Variants in LRRN2 observed in about 807,000 individuals in gnomAD.
LRRN2 encodes the protein leucine-rich repeat neuronal protein 2.
Under a neutral mutation model 35.7 loss-of-function variants are expected in LRRN2, and 10 were observed. That is an observed-to-expected ratio of 0.28 (90% CI 0.17 to 0.47). The LOEUF is 0.47. LRRN2 is among the 20% of genes least tolerant of loss of function. The pLI is 0.99. For missense variants in LRRN2, 731 were observed against 940.3 expected, an observed-to-expected ratio of 0.78 and a Z score of 2.91; for synonymous variants, 391 against 409.6, an observed-to-expected ratio of 0.95 and a Z score of 0.55.
chr1:204,657,516 C>T (rs757301513), intron 1 of LRRN2, among the ~76,000 whole-genome samples: 7 of 152,032 alleles, frequency 4.6e-5, no homozygotes, highest in Non-Finnish European at 7.3e-5. Flanking sequence ...TTCTATGACA[C>T]GTCCAGAATA....
intron 1 of LRRN2, among the ~76,000 whole-genome samples, chr1:204,676,133 T>C (rs1349822428): frequency 1.5e-5 from 2 of 133,154 alleles, no homozygotes; most frequent in Non-Finnish European, 3.2e-5. Flanking sequence ...CAAGGTTACA[T>C]GGAGCCGTGT....
rs113787998 is a variant in LRRN2, at chr1:204,648,004, T to C, written c.-226-27786A>G. On this transcript the variant is annotated intron_variant, in intron 1 of 1. Transcript: ENST00000367177. The stretch of plus-strand genomic sequence containing the variant: ...TAATGCAGCTTGCATTATATTTCTA[T>C]TGAACATACATTTCTATATTCTGAC... 1.2e-3 allele frequency among the ~76,000 whole-genome samples: 190 copies of C among 152,376 alleles called. 2 individuals are homozygous for C. The highest frequency in any genetic ancestry group is 4.5e-3 in the African/African-American group (189 of 41,580).
At chr1:204,630,211 A>T (rs1330676413) in intron 1 of LRRN2, among the ~76,000 whole-genome samples, 2 of 151,680 alleles carry the variant, frequency 1.3e-5, no homozygotes, top group East Asian at 3.9e-4. Flanking sequence ...GGGAAGCACC[A>T]CTGCTTTCGA....
chr1:204,641,424 G>A (rs1280059411), intron 1 of LRRN2, among the ~76,000 whole-genome samples: 1 of 152,170 alleles, frequency 6.6e-6, no homozygotes, highest in East Asian at 1.9e-4. Flanking sequence ...TGTTTAGGTT[G>A]ACACCAGCTA....
At chr1:204,680,227 T>C (rs1027594977) in intron 1 of LRRN2, among the ~76,000 whole-genome samples, 5 of 152,198 alleles carry the variant, frequency 3.3e-5, no homozygotes, top group Non-Finnish European at 1.5e-5. Context: ...AATGGGATAA[T>C]GCAGGTAAAG....
chr1:204,680,238 C>T (rs1668918196), intron 1 of LRRN2, among the ~76,000 whole-genome samples: 1 of 152,178 alleles, frequency 6.6e-6, no homozygotes, highest in Non-Finnish European at 1.5e-5. Flanking sequence ...GCAGGTAAAG[C>T]AGTTGGCACA....
At chr1:204,631,836 T>C (rs1406380162) in intron 1 of LRRN2, among the ~76,000 whole-genome samples, 1 of 151,178 alleles carries the variant, frequency 6.6e-6, no homozygotes. Context: ...GTCTTGAGAG[T>C]GTGGGTGATG....
Position 204,637,645 on chromosome 1 carries a change from C to CGTGTGTGTGTGTGT in LRRN2, c.-226-17441_-226-17428dup, listed in dbSNP as rs67761829. Among the ~76,000 whole-genome samples the CGTGTGTGTGTGTGT allele has an allele frequency of 2.8e-4, 37 of 130,024 alleles. 1 individual carries two copies. Among genetic ancestry groups the CGTGTGTGTGTGTGT allele is most frequent in the African/African-American group, 8.5e-4 (29 of 33,978 alleles). The allele number at this position is 130,024 out of a possible 152,430, so 85.3% of individuals were successfully genotyped here. ...AGAGTCTGCCTATTGCAGCACGTGACGTGTGTGTGTGTGTGTGTGTGTGTG... is the reference window on the plus strand; with the variant it reads ...AGAGTCTGCCTATTGCAGCACGTGACGTGTGTGTGTGTGTGTGTGTGTGTGTGTGTGTGTGTGTG... On this transcript the variant is annotated intron_variant, in intron 1 of 1. Coordinates refer to ENST00000367177, the MANE Select transcript of LRRN2 (RefSeq NM_201630.2).
At chr1:204,663,526 TC>T (rs1277901144) in intron 1 of LRRN2, among the ~76,000 whole-genome samples, 7 of 152,064 alleles carry the variant, frequency 4.6e-5, no homozygotes, top group Non-Finnish European at 7.4e-5. Flanking sequence ...TGGTGGCTTC[TC>T]CCCAAGCAAA....
At chr1:204,642,178 G>A (rs1345930110) in intron 1 of LRRN2, among the ~76,000 whole-genome samples, 6 of 152,118 alleles carry the variant, frequency 3.9e-5, no homozygotes, top group Non-Finnish European at 7.4e-5. Context: ...AATTAACAGG[G>A]GGAACATTCT....
At chr1:204,671,177 G>A (rs560659358) in intron 1 of LRRN2, among the ~76,000 whole-genome samples, 1 of 152,184 alleles carries the variant, frequency 6.6e-6, no homozygotes, top group East Asian at 1.9e-4. Context: ...GGGATAAGTT[G>A]GGGAGTTCTG....
intron 1 of LRRN2, among the ~76,000 whole-genome samples, chr1:204,661,301 C>A (rs189248042): frequency 8.5e-5 from 13 of 152,200 alleles, no homozygotes; most frequent in Non-Finnish European, 1.5e-4. Flanking sequence ...TTTTAGGGGG[C>A]TAGAAATGTC....
Position 204,617,604 on chromosome 1 carries a change from T to C in LRRN2, c.*247A>G. On this transcript the variant is annotated 3_prime_UTR_variant, in exon 2 of 2. Coordinates refer to ENST00000367177, the MANE Select transcript of LRRN2 (RefSeq NM_201630.2). Reference sequence around the variant, plus strand: ...GGGAGGCAGGAGGCTCTAGCCAAAGTCCCTCCTGTTCCTTGGAGATGTTCC... The same window carrying C: ...GGGAGGCAGGAGGCTCTAGCCAAAGCCCCTCCTGTTCCTTGGAGATGTTCC... The C allele has an allele frequency of 2.0e-6, 1 of 512,572 alleles. No individual in the cohort carries two copies. Among genetic ancestry groups the C allele is most frequent in the Non-Finnish European group, 3.5e-6 (1 of 286,954 alleles). The allele number at this position is 512,572 out of a possible 1,614,324, so 31.8% of individuals were successfully genotyped here.
intron 1 of LRRN2, among the ~76,000 whole-genome samples, chr1:204,636,806 C>T (rs1172660081): frequency 1.3e-5 from 2 of 152,158 alleles, no homozygotes; most frequent in Non-Finnish European, 2.9e-5. Flanking sequence ...CTACCTCCCA[C>T]TCTAGACCAA....
chr1:204,643,316 T>C (rs1448951216), intron 1 of LRRN2, among the ~76,000 whole-genome samples: 1 of 152,164 alleles, frequency 6.6e-6, no homozygotes, highest in Non-Finnish European at 1.5e-5. Context: ...TATCTGAAAT[T>C]GCATGCAAAC....
intron 1 of LRRN2, among the ~76,000 whole-genome samples, chr1:204,684,266 G>A (rs1436076394): frequency 6.6e-6 from 1 of 152,148 alleles, no homozygotes; most frequent in Non-Finnish European, 1.5e-5. Context: ...GTCCATCTCT[G>A]GCAACTGAGC....
intron 1 of LRRN2, among the ~76,000 whole-genome samples, chr1:204,678,014 G>A (rs1668863306): frequency 6.6e-6 from 1 of 152,084 alleles, no homozygotes; most frequent in South Asian, 2.1e-4. Flanking sequence ...AGTTCTCCGT[G>A]CGAGAATCCT....
intron 1 of LRRN2, among the ~76,000 whole-genome samples, chr1:204,623,115 C>T (rs781079713): frequency 3.9e-5 from 6 of 152,060 alleles, no homozygotes; most frequent in African/African-American, 1.2e-4. Context: ...CACGAAACAA[C>T]TAGGAGAGCC....
At chr1:204,646,953 C>G (rs1462324375) in intron 1 of LRRN2, among the ~76,000 whole-genome samples, 1 of 152,180 alleles carries the variant, frequency 6.6e-6, no homozygotes, top group Non-Finnish European at 1.5e-5. Context: ...ATGAGCCCAG[C>G]CATGGGGAAA....
Sources: allele counts gnomAD v4.1 joint callset (sites outside exome capture counted in the v4.1 genomes callset), GRCh38; gene constraint gnomAD v4.1.1; transcripts MANE v1.5; gene names NCBI Gene and HGNC (gene_info 2026-07-23, HGNC 2026-07-21).